The following MLIP variants were observed in gnomAD, a reference collection of about 807,000 sequenced individuals.
MLIP encodes the protein muscular LMNA interacting protein.
MLIP carries 79 observed loss-of-function variants against 84.8 expected under a neutral mutation model. That is an observed-to-expected ratio of 0.93 (90% CI 0.78 to 1.12). The LOEUF (loss-of-function observed/expected upper bound fraction) is 1.12. MLIP is among the 50% of genes most tolerant of loss of function. The pLI is 0.00. For missense variants in MLIP, 1,257 were observed against 1,160.6 expected, an observed-to-expected ratio of 1.08 and a Z score of -1.21; for synonymous variants, 504 against 463.0, an observed-to-expected ratio of 1.09 and a Z score of -1.14.
chr6:54,242,018 A>G (rs1359496381), intron 12 of MLIP, among the ~76,000 whole-genome samples: 1 of 152,224 alleles, frequency 6.6e-6, no homozygotes, highest in African/African-American at 2.4e-5. Flanking sequence ...AGGAGAAATG[A>G]AAAACAATAG....
intron 1 of MLIP, among the ~76,000 whole-genome samples, chr6:54,041,885 A>G (rs185801328): frequency 8.5e-5 from 13 of 152,132 alleles, no homozygotes; most frequent in South Asian, 4.1e-4. Context: ...AGCTTCCCGG[A>G]CCTCAGGCAC....
intron 3 of MLIP, among the ~76,000 whole-genome samples, chr6:54,129,577 C>G (rs1359013332): frequency 6.6e-6 from 1 of 152,140 alleles, no homozygotes; most frequent in African/African-American, 2.4e-5. Context: ...TGCTGTTGCT[C>G]TTACTTAAGC....
intron 1 of MLIP, among the ~76,000 whole-genome samples, chr6:54,104,309 C>T (rs934937555): frequency 3.9e-5 from 6 of 152,090 alleles, no homozygotes; most frequent in African/African-American, 1.4e-4. Context: ...ATCACTCTGT[C>T]TGCTTAAAAA....
rs1468287405 is a variant in MLIP, at chr6:54,124,644, C to T, written c.424C>T (p.Leu142Phe). The change falls in exon 3 of 14, where the codon CTT (leucine) becomes TTT (phenylalanine). Residue 142 changes from leucine (L) to phenylalanine (F), a missense_variant. Coordinates refer to ENST00000502396, the MANE Select transcript of MLIP (RefSeq NM_001281747.2). ...TGACCTCTTCAAAGCTGAATATGTC[C>T]TTATTGTGGACTCCGAAGGGGAAGA... ...QSDLFKAEYV[L>F]IVDSEGEDEA... The T allele has an allele frequency of 6.2e-7, 1 of 1,614,032 alleles. No individual in the cohort carries two copies. Among genetic ancestry groups the T allele is most frequent in the African/African-American group, 1.3e-5 (1 of 74,936 alleles).
intron 1 of MLIP, among the ~76,000 whole-genome samples, chr6:54,070,971 A>G (rs956543659): frequency 3.3e-5 from 5 of 152,140 alleles, no homozygotes; most frequent in Non-Finnish European, 7.4e-5. Context: ...TAAAAACAAA[A>G]CATAATATAT....
intron 1 of MLIP, among the ~76,000 whole-genome samples, chr6:54,053,819 G>A (rs1220507985): frequency 6.6e-6 from 1 of 152,136 alleles, no homozygotes; most frequent in African/African-American, 2.4e-5. Flanking sequence ...GAATCCAGGT[G>A]GGAGATTCTG....
rs1388049516 is a variant in MLIP, at chr6:54,037,493, G to T, written c.63+18402G>T. 2.0e-5 allele frequency among the ~76,000 whole-genome samples: 3 copies of T among 152,006 alleles called. No individual in the cohort carries two copies. The East Asian group carries it at 5.8e-4, about 29-fold the overall frequency. On this transcript the variant is annotated intron_variant, in intron 1 of 12. Coordinates refer to the MLIP transcript ENST00000274897. ...AAAGAGAGAGAGAGACAGGGAGAGAGAATGAGATCTAAAGCCTGTGAAAGA... is the reference window on the plus strand; with the variant it reads ...AAAGAGAGAGAGAGACAGGGAGAGATAATGAGATCTAAAGCCTGTGAAAGA...
At chr6:54,098,811 CGTAT>C (rs915262572) in intron 1 of MLIP, among the ~76,000 whole-genome samples, 3 of 152,080 alleles carry the variant, frequency 2.0e-5, no homozygotes, top group African/African-American at 7.2e-5. Flanking sequence ...GTTCCAAAGG[CGTAT>C]GTAACTCATG....
upstream of MLIP, among the ~76,000 whole-genome samples, chr6:54,106,520 G>A (rs991876348): frequency 6.6e-6 from 1 of 152,202 alleles, no homozygotes; most frequent in African/African-American, 2.4e-5. Context: ...TGGGATGTTA[G>A]AAGTAGAAGT....
intron 9 of MLIP, among the ~76,000 whole-genome samples, chr6:54,179,030 G>A (rs1562022582): frequency 6.6e-6 from 1 of 152,114 alleles, no homozygotes; most frequent in Non-Finnish European, 1.5e-5. Flanking sequence ...TGAGGTCTAT[G>A]TCTCTCTTTA....
intron 12 of MLIP, among the ~76,000 whole-genome samples, chr6:54,236,016 C>T (rs938542059): frequency 6.6e-6 from 1 of 152,134 alleles, no homozygotes; most frequent in African/African-American, 2.4e-5. Flanking sequence ...TTGCTGGGAG[C>T]AAGGTGAACT....
intron 5 of MLIP, among the ~76,000 whole-genome samples, chr6:54,151,955 G>T (rs776634715): frequency 6.6e-6 from 1 of 152,024 alleles, no homozygotes; most frequent in African/African-American, 2.4e-5. Flanking sequence ...CACTTTGTTG[G>T]CAGGGAACAT....
At chr6:54,185,430 A>G (rs1033039369) in intron 9 of MLIP, among the ~76,000 whole-genome samples, 3 of 152,186 alleles carry the variant, frequency 2.0e-5, no homozygotes. Context: ...TGTCTAAAGC[A>G]TCTTATTATT....
intron 11 of MLIP, among the ~76,000 whole-genome samples, chr6:54,209,232 T>G (rs1357822679): frequency 6.6e-6 from 1 of 152,192 alleles, no homozygotes; most frequent in Admixed American, 6.5e-5. Context: ...GGGAACCTTC[T>G]CTTCCTTTCT....
intron 10 of MLIP, 150 bp downstream of exon 10, chr6:54,190,064 C>T (rs1777765287): frequency 6.5e-6 from 4 of 614,632 alleles, no homozygotes; most frequent in African/African-American, 3.7e-5. Flanking sequence ...TTTCCAAAAG[C>T]TCCATGGTGG....
At chr6:54,260,475 C>A (rs1181714259) in intron 13 of MLIP, among the ~76,000 whole-genome samples, 2 of 152,062 alleles carry the variant, frequency 1.3e-5, no homozygotes, top group East Asian at 1.9e-4. Context: ...TTTAAAATCT[C>A]TTCAGATTAT....
At chr6:54,199,222 T>C (rs115516262) in intron 10 of MLIP, among the ~76,000 whole-genome samples, 2,113 of 152,230 alleles carry the variant, frequency 0.014, 41 homozygotes, top group African/African-American at 0.047. Flanking sequence ...TTCTATCTAT[T>C]CTATGATGTC....
chr6:54,045,960 GT>G (rs1313865740), intron 1 of MLIP: 1 of 152,190 alleles, frequency 6.6e-6, no homozygotes, highest in African/African-American at 2.4e-5. Flanking sequence ...GTTTCAGGAG[GT>G]TTTTACAGCA....
At position 54,254,742 on chromosome 6, in the gene MLIP, CCCTT is replaced by C. The variant is rs372950271; in HGVS notation, c.2923-2543_2923-2540del. Among the ~76,000 whole-genome samples the C allele has an allele frequency of 6.1e-3, 757 of 125,082 alleles. 4 individuals carry two copies. The highest frequency in any genetic ancestry group is 9.6e-3 in the Admixed American group (116 of 12,034). 82.1% of individuals were successfully genotyped at this position (125,082 alleles called of 152,430 possible). ...TAGAATCTTCTTTTTTTTTCTCCCT[CCCTT>C]CCTTCCTTCCTTCCTTCCTTCCCTT... On this transcript the variant is annotated intron_variant, in intron 12 of 13. Transcript: ENST00000502396.
Sources: allele counts gnomAD v4.1 joint callset (sites outside exome capture counted in the v4.1 genomes callset), GRCh38; gene constraint gnomAD v4.1.1; transcripts MANE v1.5; gene names NCBI Gene and HGNC (gene_info 2026-07-23, HGNC 2026-07-21).